The following LONP2 variants were observed in gnomAD, a reference collection of about 807,000 sequenced individuals.
The protein encoded by LONP2 is lon peptidase 2, peroxisomal.
A neutral mutation model predicts 85.6 loss-of-function variants in LONP2; 60 were observed. The ratio of observed to expected loss-of-function variants is 0.70; its 90% CI spans 0.57 to 0.87. The LOEUF (loss-of-function observed/expected upper bound fraction) is 0.87, where lower values mean the gene tolerates loss of function less well. LONP2 is among the 40% of genes least tolerant of loss of function. The probability of loss-of-function intolerance (pLI) is 0.00; values close to 1 mark genes in which losing one functional copy is unlikely to be tolerated. For synonymous variants in LONP2, 395 were observed against 389.7 expected, an observed-to-expected ratio of 1.01 and a Z score of -0.16; for missense variants, 860 against 1,063.5, an observed-to-expected ratio of 0.81 and a Z score of 2.66.
chr16:48,340,801 A>C (rs1048203207), intron 12 of LONP2, among the ~76,000 whole-genome samples: 1 of 151,884 alleles, frequency 6.6e-6, no homozygotes, highest in African/African-American at 2.4e-5. Flanking sequence ...AAAAATACAA[A>C]ATATTACCCG....
chr16:48,304,836 A>G (rs957653815), intron 11 of LONP2, among the ~76,000 whole-genome samples: 5 of 152,220 alleles, frequency 3.3e-5, no homozygotes, highest in Non-Finnish European at 7.3e-5. Flanking sequence ...GTTGTAGGGA[A>G]TTGACAATTT....
Position 48,252,140 on chromosome 16 carries a change from A to C in LONP2, c.243A>C (p.Thr81=), listed in dbSNP as rs1170296864. Residue 81 remains threonine, a synonymous_variant, in exon 2 of 15, where the codon ACA becomes ACC. Transcript: ENST00000285737. Reference sequence around the variant, plus strand: ...TTTGTGTGTTTTTCAGGATTGGCACAGCTGCACTGGCCGTTCAGGTTGTGG... The same window carrying C: ...TTTGTGTGTTTTTCAGGATTGGCACCGCTGCACTGGCCGTTCAGGTTGTGG... ...QDLPPLHRIG[T]AALAVQVVGS... is the part of the protein sequence containing the mutation. 3.2e-6 allele frequency: 5 copies of C among 1,586,168 alleles called. No individual in the cohort carries two copies. The highest frequency in any genetic ancestry group is 4.3e-6 in the Non-Finnish European group (5 of 1,162,052).
At chr16:48,328,766 A>T (rs1335166449) in intron 11 of LONP2, among the ~76,000 whole-genome samples, 2 of 148,028 alleles carry the variant, frequency 1.4e-5, no homozygotes, top group Non-Finnish European at 3.0e-5. Flanking sequence ...AATCGCATGA[A>T]CACAGACGGC....
At chr16:48,298,740 G>A (rs1407730651) in intron 9 of LONP2, among the ~76,000 whole-genome samples, 2 of 151,652 alleles carry the variant, frequency 1.3e-5, no homozygotes, top group Non-Finnish European at 2.9e-5. Context: ...GAGGATTTGA[G>A]GATAAAGAGA....
chr16:48,269,287 C>A (rs953038740), intron 6 of LONP2, among the ~76,000 whole-genome samples: 1 of 148,808 alleles, frequency 6.7e-6, no homozygotes. Context: ...AGATTTAGTT[C>A]CAGTGATGCA....
chr16:48,321,776 A>T (rs1439310400), intron 11 of LONP2, among the ~76,000 whole-genome samples: 1 of 152,172 alleles, frequency 6.6e-6, no homozygotes, highest in East Asian at 1.9e-4. Context: ...AAAAGCTGGT[A>T]CTTCTGTATA....
chr16:48,279,399 A>T (rs1972279593), intron 8 of LONP2, among the ~76,000 whole-genome samples: 1 of 151,876 alleles, frequency 6.6e-6, no homozygotes, highest in African/African-American at 2.4e-5. Context: ...CCTTCTTAGG[A>T]TGGTCAGATT....
At chr16:48,256,461 G>A in intron 2 of LONP2, 149 bp from the exon 3 acceptor site, 1 of 715,396 alleles carries the variant, frequency 1.4e-6, no homozygotes, top group Non-Finnish European at 2.3e-6. Flanking sequence ...TTTCCTCTGA[G>A]GCCTGTAAAA....
intron 9 of LONP2, among the ~76,000 whole-genome samples, chr16:48,299,391 C>A (rs1405086001): frequency 2.0e-5 from 3 of 151,714 alleles, no homozygotes; most frequent in African/African-American, 7.3e-5. Context: ...TTGAGACCAG[C>A]CTGGCCAACT....
rs1567309761 is a variant in LONP2 at position 48,256,643 on chromosome 16, G to A, written c.502G>A (p.Val168Ile). The A allele has an allele frequency of 6.2e-7, 1 of 1,613,784 alleles. No individual in the cohort carries two copies. Among genetic ancestry groups the A allele is most frequent in the Non-Finnish European group, 8.5e-7 (1 of 1,179,832 alleles). Residue 168 changes from valine (V) to isoleucine (I), a missense_variant, in exon 3 of 15, where the codon GTT becomes ATT. Coordinates refer to ENST00000285737, the MANE Select transcript of LONP2 (RefSeq NM_031490.5). Reference protein sequence around the residue: ...VEMLDMSVPAVAKLRRLLDSL... With the variant: ...VEMLDMSVPAIAKLRRLLDSL... ...AATGTTGGATATGTCTGTCCCTGCA[G>A]TTGCTAAATTGAGACGTCTTTTAGA...
At chr16:48,245,695 A>G (rs1459377402) in intron 1 of LONP2, among the ~76,000 whole-genome samples, 2 of 152,190 alleles carry the variant, frequency 1.3e-5, no homozygotes. Context: ...TGATTAATAC[A>G]TTTTATATGG....
intron 11 of LONP2, among the ~76,000 whole-genome samples, chr16:48,333,830 C>T (rs1007784149): frequency 1.3e-5 from 2 of 152,174 alleles, no homozygotes; most frequent in East Asian, 1.9e-4. Flanking sequence ...TAACCTACTG[C>T]GCTTAGCCCT....
chr16:48,347,368 A>T, intron 12 of LONP2, 139 bp from the exon 13 acceptor site: 1 of 743,362 alleles, frequency 1.3e-6, no homozygotes, highest in South Asian at 1.7e-5. Flanking sequence ...AATGTGACGC[A>T]GAATCATGTT....
rs775031177 is a variant in LONP2, at chr16:48,252,231, C to G, written c.334C>G (p.Gln112Glu). 6.2e-7 allele frequency: 1 copy of G among 1,614,060 alleles called. No homozygotes were observed. The highest frequency in any genetic ancestry group is 2.2e-5 in the East Asian group (1 of 44,898). The change falls in exon 2 of 15, where the codon CAG (glutamine) becomes GAG (glutamate). Residue 112 changes from glutamine to glutamate, a missense_variant. Physicochemically the swap from Gln to Glu is conservative, Grantham distance 29 (BLOSUM62 2). Around this residue, in one of 3 missense-constraint regions of LONP2, gnomAD observed 743 missense variants for 917.3 expected, o/e 0.81. Coordinates refer to ENST00000285737, the MANE Select transcript of LONP2 (RefSeq NM_031490.5). Reference sequence around the variant, plus strand: ...AGGCCTATGCCGTTTCCAGATTGTACAGGTCTTAAAAGAGAAGCCATATCC... The same window carrying G: ...AGGCCTATGCCGTTTCCAGATTGTAGAGGTCTTAAAAGAGAAGCCATATCC... ...ITGLCRFQIV[Q>E]VLKEKPYPIA...
At position 48,277,121 on chromosome 16, in the gene LONP2, T is replaced by A. The variant is rs1373700961; in HGVS notation, c.1242-217T>A. On this transcript the variant is annotated intron_variant, in intron 7 of 14. Transcript: ENST00000285737. The stretch of plus-strand genomic sequence containing the variant: ...ATGTGATACAGTTCTTCCAATATCA[T>A]GGGCAACTTGTAGCCAGAATTAAGT... Among the ~76,000 whole-genome samples the A allele has an allele frequency of 2.0e-5, 3 of 152,366 alleles. No homozygotes were observed. The East Asian group carries it at 5.8e-4, about 29-fold the overall frequency.
intron 11 of LONP2, among the ~76,000 whole-genome samples, chr16:48,329,767 A>C (rs951636850): frequency 6.6e-6 from 1 of 152,190 alleles, no homozygotes; most frequent in African/African-American, 2.4e-5. Context: ...GAATTTTCTC[A>C]CATTACTTGA....
intron 8 of LONP2, among the ~76,000 whole-genome samples, chr16:48,279,920 T>C (rs541606327): frequency 2.3e-4 from 35 of 152,342 alleles, no homozygotes; most frequent in Non-Finnish European, 4.6e-4. Flanking sequence ...ATGTGTCTTA[T>C]TAAGCAGGAG....
intron 11 of LONP2, among the ~76,000 whole-genome samples, chr16:48,322,135 A>T (rs1973278479): frequency 6.6e-6 from 1 of 151,888 alleles, no homozygotes; most frequent in African/African-American, 2.4e-5. Flanking sequence ...TAAAACACAA[A>T]TACACTGTAT....
rs1973076343 is a variant in LONP2 at position 48,313,420 on chromosome 16, A to G, written c.1795+10115A>G. ...TGGTGGTTTGCTGCACAGATAATCC[A>G]TCACCCAGGTATTAAGCCCAGCATC... On this transcript the variant is annotated intron_variant, in intron 11 of 14. Coordinates refer to ENST00000285737, the MANE Select transcript of LONP2 (RefSeq NM_031490.5). 2.0e-5 allele frequency among the ~76,000 whole-genome samples: 3 copies of G among 152,214 alleles called. No homozygotes were observed. The South Asian group carries it at 6.2e-4, about 32-fold the overall frequency.
Sources: gnomAD v4.1 joint callset for allele counts (sites outside exome capture counted in the v4.1 genomes callset) on GRCh38, gnomAD v4.1.1 for gene constraint, gnomAD v4.1.1 regional missense constraint, MANE v1.5 for transcripts, NCBI Gene and HGNC (gene_info 2026-07-23, HGNC 2026-07-21) for gene names.